Variants in TLN2 observed in about 807,000 individuals in gnomAD.
TLN2 encodes talin 2, also known as talin-2.
TLN2 carries 118 observed loss-of-function variants against 294.7 expected under a neutral mutation model. That is an observed-to-expected ratio of 0.40 (90% CI 0.34 to 0.47). The LOEUF is 0.47. TLN2 is among the 20% of genes least tolerant of loss of function. TLN2 has a pLI of 0.84. For synonymous variants in TLN2, 1,431 were observed against 1,304.5 expected, an observed-to-expected ratio of 1.10 and a Z score of -2.09; for missense variants, 3,083 against 3,282.2, an observed-to-expected ratio of 0.94 and a Z score of 1.48.
intron 1 of TLN2, among the ~76,000 whole-genome samples, chr15:62,550,671 ATTGT>A: frequency 6.6e-6 from 1 of 152,232 alleles, no homozygotes; most frequent in Non-Finnish European, 1.5e-5. Flanking sequence ...TTTTCATAGA[ATTGT>A]TAAGACTTTG....
chr15:62,624,761 A>G (rs1468566539), intron 3 of TLN2, among the ~76,000 whole-genome samples: 1 of 152,194 alleles, frequency 6.6e-6, no homozygotes, highest in Non-Finnish European at 1.5e-5. Context: ...TTACGTACAT[A>G]AGCACATGAT....
rs545772069 is a variant in TLN2, at chr15:62,659,103, A to G, written c.788+1205A>G. On this transcript the variant is annotated intron_variant, in intron 9 of 58. Coordinates refer to ENST00000636159, the MANE Select transcript of TLN2 (RefSeq NM_015059.3). ...GAATGTAGTCATTCACCGGGTTCCT[A>G]TATTGATGATGATGCCACCATGGTC... 2.6e-5 allele frequency among the ~76,000 whole-genome samples: 4 copies of G among 152,314 alleles called. No individual in the cohort carries two copies. In the South Asian group the frequency reaches 6.2e-4, roughly 24 times the overall value.
intron 1 of TLN2, among the ~76,000 whole-genome samples, chr15:62,423,245 G>A (rs969143078): frequency 1.3e-5 from 2 of 152,090 alleles, no homozygotes; most frequent in African/African-American, 4.8e-5. Flanking sequence ...AAATTATCTG[G>A]GCATGGTGGC....
chr15:62,594,741 G>C (rs578158173), intron 2 of TLN2, among the ~76,000 whole-genome samples: 2 of 152,192 alleles, frequency 1.3e-5, no homozygotes, highest in Non-Finnish European at 2.9e-5. Context: ...TGTGACATTG[G>C]TCTGGGCAAG....
chr15:62,396,804 A>C (rs1174903318), intron 1 of TLN2, among the ~76,000 whole-genome samples: 1 of 151,990 alleles, frequency 6.6e-6, no homozygotes, highest in Non-Finnish European at 1.5e-5. Flanking sequence ...TCCTGGGTTG[A>C]AGCAATTCTC....
chr15:62,821,585 T>C (rs1317849706), intron 54 of TLN2, among the ~76,000 whole-genome samples: 1 of 152,216 alleles, frequency 6.6e-6, no homozygotes, highest in East Asian at 1.9e-4. Flanking sequence ...ACTGAGTCTG[T>C]TCAGCTTGGG....
At chr15:62,585,792 G>T (rs2140713277) in intron 1 of TLN2, among the ~76,000 whole-genome samples, 3 of 152,224 alleles carry the variant, frequency 2.0e-5, no homozygotes, top group Admixed American at 2.0e-4. Flanking sequence ...TTTTAAACAG[G>T]TAGGTGTGTT....
intron 3 of TLN2, among the ~76,000 whole-genome samples, chr15:62,625,815 C>T (rs4465563): frequency 0.94 from 143,851 of 152,224 alleles, 68,080 homozygotes; most frequent in Non-Finnish European, 0.97. Context: ...GATGTCGTTT[C>T]GCTGGAGAGG....
intron 46 of TLN2, 136 bp from the exon 47 acceptor site, chr15:62,795,991 C>A (rs1044818418): frequency 8.8e-7 from 1 of 1,134,554 alleles, no homozygotes; most frequent in South Asian, 1.7e-5. Context: ...AGACTGAGGC[C>A]GTTGACTCCA....
chr15:62,543,732 T>C (rs1206148442), intron 1 of TLN2, among the ~76,000 whole-genome samples: 4 of 140,384 alleles, frequency 2.8e-5, no homozygotes, highest in Non-Finnish European at 6.0e-5. Context: ...TCCAGCCTGG[T>C]GACAGAGCAA....
At chr15:62,725,176 G>A in intron 27 of TLN2, 72 bp downstream of exon 27, 2 of 1,522,728 alleles carry the variant, frequency 1.3e-6, no homozygotes, top group African/African-American at 2.8e-5. Flanking sequence ...TTGTTGTTAG[G>A]GTGTTTGCTA....
Position 62,797,170 on chromosome 15 carries a change from C to T in TLN2, c.6051-49C>T, listed in dbSNP as rs183894456. On this transcript the variant is annotated intron_variant, in intron 47 of 58. Coordinates refer to ENST00000636159, the MANE Select transcript of TLN2 (RefSeq NM_015059.3). ...TTCTTTTCTTCTTGAAGTAATCAAG[C>T]TTTGCCCTCTGTCTCTCCCCCTCTC... 37 of 1,602,554 alleles carry T rather than the reference C, an allele frequency of 2.3e-5. 1 individual carries two copies. The highest frequency in any genetic ancestry group is 2.0e-4 in the African/African-American group (15 of 74,790).
chr15:62,446,614 C>G (rs929092301), intron 1 of TLN2, among the ~76,000 whole-genome samples: 1 of 152,126 alleles, frequency 6.6e-6, no homozygotes, highest in Non-Finnish European at 1.5e-5. Flanking sequence ...CTCTGGACTT[C>G]AGTTTTCTTA....
At chr15:62,819,658 C>G in intron 53 of TLN2, 37 bp downstream of exon 53, 1 of 1,578,606 alleles carries the variant, frequency 6.3e-7, no homozygotes, top group Non-Finnish European at 8.6e-7. Flanking sequence ...GAGGGCAACC[C>G]TCCCAGGCAG....
At chr15:62,427,875 C>T (rs1358848441) in intron 1 of TLN2, among the ~76,000 whole-genome samples, 2 of 152,186 alleles carry the variant, frequency 1.3e-5, no homozygotes, top group Admixed American at 6.5e-5. Context: ...TACCTGAAAA[C>T]TGTGAGGCTT....
At chr15:62,573,755 GA>G (rs1166591586) in intron 1 of TLN2, among the ~76,000 whole-genome samples, 1 of 147,588 alleles carries the variant, frequency 6.8e-6, no homozygotes, top group Non-Finnish European at 1.5e-5. Context: ...CCAAATCCCT[GA>G]ATTTCTTTCT....
chr15:62,671,496 G>C (rs1159190782), intron 9 of TLN2, among the ~76,000 whole-genome samples: 2 of 152,138 alleles, frequency 1.3e-5, no homozygotes, highest in Non-Finnish European at 2.9e-5. Context: ...TCTTTTGCAT[G>C]TGAACATCCT....
intron 1 of TLN2, among the ~76,000 whole-genome samples, chr15:62,500,639 A>C (rs1170075440): frequency 6.6e-6 from 1 of 152,220 alleles, no homozygotes; most frequent in Admixed American, 6.5e-5. Context: ...GATTTCATTA[A>C]GCAGAATTAT....
chr15:62,457,990 GA>G (rs2036576146), intron 1 of TLN2, among the ~76,000 whole-genome samples: 1 of 152,166 alleles, frequency 6.6e-6, no homozygotes, highest in South Asian at 2.1e-4. Flanking sequence ...CAGAAAACTG[GA>G]AAAAAATGTT....
Sources: allele counts gnomAD v4.1 joint callset (sites outside exome capture counted in the v4.1 genomes callset), GRCh38; gene constraint gnomAD v4.1.1; transcripts MANE v1.5; gene names NCBI Gene and HGNC (gene_info 2026-07-23, HGNC 2026-07-21).